Variants in KDM4C observed in about 807,000 individuals in gnomAD.
The protein encoded by KDM4C is lysine-specific demethylase 4C.
Under a neutral mutation model 129.3 loss-of-function variants are expected in KDM4C, and 81 were observed. The observed-to-expected ratio is 0.63, with a 90% CI of 0.52 to 0.75. The LOEUF (loss-of-function observed/expected upper bound fraction) is 0.75. Ranked by LOEUF, KDM4C falls within the 30% of genes least tolerant of loss-of-function variation. KDM4C has a pLI of 0.00. For missense variants in KDM4C, 1,457 were observed against 1,304.0 expected (o/e 1.12, Z -1.81); for synonymous variants, 573 against 456.1 (o/e 1.26, Z -3.26).
chr9:7,112,590 C>A (rs1258411140), intron 18 of KDM4C, among the ~76,000 whole-genome samples: 3 of 152,178 alleles, frequency 2.0e-5, no homozygotes, highest in Non-Finnish European at 4.4e-5. Flanking sequence ...AAGAATTTTG[C>A]CTACTGTCAC....
chr9:6,730,608 CTG>C (rs1486123153), intron 1 of KDM4C, among the ~76,000 whole-genome samples: 7 of 145,716 alleles, frequency 4.8e-5, no homozygotes, highest in African/African-American at 1.7e-4. Context: ...GAGCGAGACT[CTG>C]TCTCAAAAAA....
chr9:6,870,638 G>C (rs536407252), intron 5 of KDM4C, among the ~76,000 whole-genome samples: 5 of 152,046 alleles, frequency 3.3e-5, no homozygotes, highest in Non-Finnish European at 2.9e-5. Flanking sequence ...AGTGAAGGTA[G>C]AGGGCAAGTC....
intron 4 of KDM4C, among the ~76,000 whole-genome samples, chr9:6,840,756 A>G (rs1006755409): frequency 6.6e-5 from 10 of 152,158 alleles, no homozygotes; most frequent in Non-Finnish European, 1.3e-4. Context: ...CCTTCCTTTC[A>G]TCTGTAAAAT....
chr9:6,844,976 C>G (rs1323032604), intron 4 of KDM4C, among the ~76,000 whole-genome samples: 1 of 152,236 alleles, frequency 6.6e-6, no homozygotes. Context: ...GCGTGTGCCA[C>G]TGCGCCCAGC....
chr9:6,751,567 T>C (rs1818064998), intron 1 of KDM4C, among the ~76,000 whole-genome samples: 1 of 152,158 alleles, frequency 6.6e-6, no homozygotes, highest in Non-Finnish European at 1.5e-5. Context: ...TGTGGCTACA[T>C]TTTACAATTT....
At chr9:7,044,124 G>T (rs375481290) in intron 15 of KDM4C, among the ~76,000 whole-genome samples, 65 of 152,132 alleles carry the variant, frequency 4.3e-4, no homozygotes, top group African/African-American at 1.5e-3. Flanking sequence ...AATAAAAGGG[G>T]AGTATCAGTG....
intron 6 of KDM4C, among the ~76,000 whole-genome samples, chr9:6,882,874 G>A (rs1486092594): frequency 3.3e-5 from 5 of 151,992 alleles, no homozygotes; most frequent in Middle Eastern, 3.2e-3. Context: ...TTAATCCTGT[G>A]GAGTAAGAGG....
chr9:6,769,474 A>C (rs1229679984), intron 1 of KDM4C, among the ~76,000 whole-genome samples: 1 of 152,154 alleles, frequency 6.6e-6, no homozygotes, highest in African/African-American at 2.4e-5. Context: ...GACCTTAGAA[A>C]ATTTATTTCC....
chr9:6,786,542 T>C (rs1211062710), intron 1 of KDM4C, among the ~76,000 whole-genome samples: 1 of 152,208 alleles, frequency 6.6e-6, no homozygotes, highest in Non-Finnish European at 1.5e-5. Flanking sequence ...AAAAAAATGA[T>C]TATCACCTTC....
intron 17 of KDM4C, chr9:7,076,561 AT>A: frequency 6.6e-7 from 1 of 1,523,606 alleles, no homozygotes; most frequent in Middle Eastern, 1.7e-4. Flanking sequence ...GCTGTTTCTC[AT>A]TCTCCATGGG....
intron 4 of KDM4C, among the ~76,000 whole-genome samples, chr9:6,819,797 A>G (rs989788443): frequency 7.9e-5 from 12 of 152,242 alleles, no homozygotes; most frequent in Admixed American, 7.2e-4. Flanking sequence ...ATGTGCATTT[A>G]AAAAGCCCAT....
intron 8 of KDM4C, among the ~76,000 whole-genome samples, chr9:6,944,652 G>GTTCTTTTTT (rs1826556467): frequency 1.2e-5 from 1 of 80,990 alleles, no homozygotes; most frequent in Non-Finnish European, 2.2e-5. Flanking sequence ...CAAGGTAGAG[G>GTTCTTTTTT]TTTTTTTTTT....
chr9:6,921,260 T>G (rs1292766005), intron 8 of KDM4C, among the ~76,000 whole-genome samples: 1 of 152,208 alleles, frequency 6.6e-6, no homozygotes, highest in African/African-American at 2.4e-5. Context: ...AATTTGTATC[T>G]TTAGCCTGGA....
chr9:6,970,356 T>G (rs964349622), intron 8 of KDM4C, among the ~76,000 whole-genome samples: 13 of 152,256 alleles, frequency 8.5e-5, no homozygotes, highest in Non-Finnish European at 1.6e-4. Flanking sequence ...TGAACCTTGG[T>G]CACTGTAATT....
intron 17 of KDM4C, among the ~76,000 whole-genome samples, chr9:7,071,980 T>C (rs893264653): frequency 6.6e-6 from 1 of 152,084 alleles, no homozygotes; most frequent in Non-Finnish European, 1.5e-5. Flanking sequence ...AAAAGAACCT[T>C]ATAAAAAACT....
At chr9:6,941,157 A>G (rs1001924441) in intron 8 of KDM4C, among the ~76,000 whole-genome samples, 5 of 152,090 alleles carry the variant, frequency 3.3e-5, no homozygotes, top group South Asian at 4.2e-4. Flanking sequence ...CAGCCTCCCA[A>G]GCCACCATGC....
intron 1 of KDM4C, among the ~76,000 whole-genome samples, chr9:6,750,101 A>C (rs1818020016): frequency 6.6e-6 from 1 of 151,954 alleles, no homozygotes; most frequent in African/African-American, 2.4e-5. Context: ...GTTTAAGTTC[A>C]TATTAAAATA....
chr9:6,907,595 A>C (rs1256027570), intron 8 of KDM4C, among the ~76,000 whole-genome samples: 2 of 152,158 alleles, frequency 1.3e-5, no homozygotes, highest in Non-Finnish European at 2.9e-5. Flanking sequence ...ATGTGTCTTT[A>C]CTCATAGGAC....
intron 8 of KDM4C, among the ~76,000 whole-genome samples, chr9:6,969,706 G>T (rs568965181): frequency 6.6e-6 from 1 of 152,264 alleles, no homozygotes; most frequent in African/African-American, 2.4e-5. Flanking sequence ...TTCCAGTCTG[G>T]AGGACCGTTT....
Sources: allele counts gnomAD v4.1 joint callset (sites outside exome capture counted in the v4.1 genomes callset), GRCh38; gene constraint gnomAD v4.1.1; transcripts MANE v1.5; gene names NCBI Gene and HGNC (gene_info 2026-07-23, HGNC 2026-07-21).